The following EYA4 variants were observed in gnomAD, a reference collection of about 807,000 sequenced individuals.
EYA4 encodes the protein EYA transcriptional coactivator and phosphatase 4.
EYA4 carries 31 observed loss-of-function variants against 87.9 expected under a neutral mutation model. That is an observed-to-expected ratio of 0.35 (90% CI 0.27 to 0.48). The LOEUF (loss-of-function observed/expected upper bound fraction) is 0.48, where lower values mean the gene tolerates loss of function less well. Among genes scored for constraint, EYA4 ranks in the 20% least tolerant of loss-of-function variants. The pLI is 0.99. For missense variants in EYA4, 678 were observed against 761.4 expected (o/e 0.89, Z 1.29); for synonymous variants, 263 against 270.6 (o/e 0.97, Z 0.28).
chr6:133,414,819 T>C (rs552659946), intron 3 of EYA4, among the ~76,000 whole-genome samples: 2 of 152,322 alleles, frequency 1.3e-5, no homozygotes, highest in East Asian at 3.9e-4. Context: ...TAGTTCCCTG[T>C]TACTCCATCT....
intron 3 of EYA4, among the ~76,000 whole-genome samples, chr6:133,384,835 C>T (rs1303175417): frequency 2.0e-5 from 3 of 151,990 alleles, no homozygotes; most frequent in African/African-American, 7.3e-5. Context: ...AAAAAGGATA[C>T]AAGAATTTAC....
chr6:133,503,618 G>A (rs1371164196), intron 13 of EYA4, among the ~76,000 whole-genome samples: 3 of 152,080 alleles, frequency 2.0e-5, no homozygotes, highest in Non-Finnish European at 4.4e-5. Flanking sequence ...GATTTTTCCT[G>A]ATATTTCTGT....
In EYA4 at chr6:133,530,041, T is replaced by A. The variant is rs2128829361; in HGVS notation, c.*1236T>A. 1.0e-6 allele frequency: 1 copy of A among 985,150 alleles called. No homozygotes were observed. The highest frequency in any genetic ancestry group is 4.7e-5 in the South Asian group (1 of 21,276). 61.0% of individuals were successfully genotyped at this position (985,150 alleles called of 1,614,324 possible). A position where few individuals can be genotyped will look rare whatever the true frequency, so the allele number is the denominator to read the frequency against. Reference sequence around the variant, plus strand: ...TTTATTCCCAATGCCATGGCAAAAATGATAATATCATCAGAAATGGAAGGC... The same window carrying A: ...TTTATTCCCAATGCCATGGCAAAAAAGATAATATCATCAGAAATGGAAGGC... On this transcript the variant is annotated 3_prime_UTR_variant, in exon 20 of 20. Coordinates refer to ENST00000355286, the MANE Select transcript of EYA4 (RefSeq NM_004100.5).
intron 5 of EYA4, among the ~76,000 whole-genome samples, chr6:133,455,002 C>A (rs573321223): frequency 6.6e-6 from 1 of 152,034 alleles, no homozygotes; most frequent in Admixed American, 6.6e-5. Flanking sequence ...TTTCAGCCCC[C>A]CTGAACTTCA....
chr6:133,324,796 T>C (rs1474216326), intron 2 of EYA4, among the ~76,000 whole-genome samples: 1 of 152,030 alleles, frequency 6.6e-6, no homozygotes, highest in Non-Finnish European at 1.5e-5. Flanking sequence ...AAAAGAAAGC[T>C]TTTCATTGGG....
At chr6:133,369,520 C>T (rs1220326365) in intron 2 of EYA4, among the ~76,000 whole-genome samples, 1 of 143,044 alleles carries the variant, frequency 7.0e-6, no homozygotes, top group Non-Finnish European at 1.6e-5. Context: ...ATTATCTTTC[C>T]ATTTTGTTGA....
At chr6:133,357,288 A>G in intron 2 of EYA4, among the ~76,000 whole-genome samples, 1 of 151,230 alleles carries the variant, frequency 6.6e-6, no homozygotes. Context: ...AAAAAAAAAA[A>G]AAAAAAGAGC....
intron 3 of EYA4, among the ~76,000 whole-genome samples, chr6:133,405,891 G>A (rs1788659743): frequency 6.6e-6 from 1 of 152,114 alleles, no homozygotes; most frequent in African/African-American, 2.4e-5. Context: ...AGCTGTCTGG[G>A]AGAAGAGTCC....
chr6:133,440,032 GCC>G (rs1562422935), intron 3 of EYA4, among the ~76,000 whole-genome samples: 1 of 152,178 alleles, frequency 6.6e-6, no homozygotes, highest in African/African-American at 2.4e-5. Flanking sequence ...CAAGGACCAA[GCC>G]CTGCGCCATC....
At chr6:133,330,452 A>G (rs1340638358) in intron 2 of EYA4, among the ~76,000 whole-genome samples, 3 of 151,804 alleles carry the variant, frequency 2.0e-5, no homozygotes, top group African/African-American at 7.3e-5. Context: ...TGGGAAGATC[A>G]TGTCACATTT....
chr6:133,293,960 G>T (rs910637203), intron 2 of EYA4, among the ~76,000 whole-genome samples: 1 of 103,424 alleles, frequency 9.7e-6, no homozygotes, highest in African/African-American at 4.3e-5. Flanking sequence ...TATAAATATA[G>T]ATATTATTTT....
In EYA4 at chr6:133,392,083, C is replaced by T. The variant is rs913755514; in HGVS notation, c.83+9642C>T. Among the ~76,000 whole-genome samples, 18 of 152,176 alleles carry T rather than the reference C, an allele frequency of 1.2e-4. No individual in the cohort carries two copies. The South Asian group carries it at 2.7e-3, about 23-fold the overall frequency. On this transcript the variant is annotated intron_variant, in intron 3 of 19. Transcript: ENST00000355286. ...GACAGACCTTTAAGTGGAGTGGCAG[C>T]GAAACTGCAAAGTAAGAGGAACTCA...
At chr6:133,435,362 G>A (rs3777860) in intron 3 of EYA4, 22,024 of 152,264 alleles carry the variant, frequency 0.14, 2,497 homozygotes, top group East Asian at 0.31. Context: ...CACATTTCAA[G>A]AACAGCTTCC....
chr6:133,420,055 A>G (rs1790082816), intron 3 of EYA4, among the ~76,000 whole-genome samples: 1 of 152,188 alleles, frequency 6.6e-6, no homozygotes, highest in African/African-American at 2.4e-5. Flanking sequence ...GAAAAGCTGT[A>G]GGAACCTATT....
intron 16 of EYA4, among the ~76,000 whole-genome samples, chr6:133,513,962 A>T (rs921754266): frequency 4.6e-5 from 7 of 152,174 alleles, no homozygotes; most frequent in Non-Finnish European, 1.0e-4. Context: ...CATATATAGT[A>T]TATAATCACA....
intron 3 of EYA4, among the ~76,000 whole-genome samples, chr6:133,407,385 G>A (rs1435597025): frequency 3.9e-5 from 6 of 152,020 alleles, no homozygotes; most frequent in Non-Finnish European, 8.8e-5. Flanking sequence ...AGGAGGAGAA[G>A]GCGATGGACC....
rs1800909960 is a variant in EYA4 at position 133,529,894 on chromosome 6, A to T, written c.*1089A>T. 1 of 985,368 alleles carries T rather than the reference A, an allele frequency of 1.0e-6. No individual in the cohort carries two copies. The highest frequency in any genetic ancestry group is 1.2e-6 in the Non-Finnish European group (1 of 829,838). 61.0% of individuals were successfully genotyped at this position (985,368 alleles called of 1,614,324 possible). A position where few individuals can be genotyped will look rare whatever the true frequency, so the allele number is the denominator to read the frequency against. On this transcript the variant is annotated 3_prime_UTR_variant, in exon 20 of 20. Coordinates refer to ENST00000355286, the MANE Select transcript of EYA4 (RefSeq NM_004100.5). ...GAGACTTTTGATATGTGTAAGTTGCATAGAGGAGGATATTATCATGCAAAT... is the reference window on the plus strand; with the variant it reads ...GAGACTTTTGATATGTGTAAGTTGCTTAGAGGAGGATATTATCATGCAAAT...
At chr6:133,486,537 C>CCAAA (rs1796700037) in intron 13 of EYA4, among the ~76,000 whole-genome samples, 1 of 150,170 alleles carries the variant, frequency 6.7e-6, no homozygotes, top group African/African-American at 2.5e-5. Context: ...AGCTTACAAA[C>CCAAA]CAAACAAAAA....
rs560087800 is a variant in EYA4, at chr6:133,280,836, A to G, written c.33+6023A>G. On this transcript the variant is annotated intron_variant, in intron 2 of 19. Coordinates refer to ENST00000355286, the MANE Select transcript of EYA4 (RefSeq NM_004100.5). ...TTAGAGGATTTTTAATCAGTTGAGA[A>G]AGAGATCCCATGCCCATTAGCACAC... Among the ~76,000 whole-genome samples, 77 of 152,278 alleles carry G rather than the reference A, an allele frequency of 5.1e-4. 1 individual carries two copies. Among genetic ancestry groups the G allele is most frequent in the Non-Finnish European group, 1.0e-3 (69 of 68,026 alleles).
Sources: gnomAD v4.1 joint callset for allele counts (sites outside exome capture counted in the v4.1 genomes callset) on GRCh38, gnomAD v4.1.1 for gene constraint, MANE v1.5 for transcripts, NCBI Gene and HGNC (gene_info 2026-07-23, HGNC 2026-07-21) for gene names.